Variants in ITGA8 observed in about 807,000 individuals in gnomAD.
The protein encoded by ITGA8 is integrin subunit alpha 8.
ITGA8 carries 91 observed loss-of-function variants against 142.3 expected under a neutral mutation model. The ratio of observed to expected loss-of-function variants is 0.64; its 90% CI spans 0.54 to 0.76. The LOEUF is 0.76. Ranked by LOEUF, ITGA8 falls within the 30% of genes least tolerant of loss-of-function variation. The probability of loss-of-function intolerance (pLI) is 0.00; values close to 1 mark genes in which losing one functional copy is unlikely to be tolerated. For synonymous variants in ITGA8, 505 were observed against 485.2 expected (o/e 1.04, Z -0.54); for missense variants, 1,406 against 1,327.7 (o/e 1.06, Z -0.92).
Position 15,556,167 on chromosome 10 carries a change from C to T in ITGA8, c.2766+1907G>A, listed in dbSNP as rs1310560693. Among the ~76,000 whole-genome samples, 4 of 151,630 alleles carry T rather than the reference C, an allele frequency of 2.6e-5. No individual in the cohort carries two copies. In the East Asian group the frequency reaches 5.8e-4, roughly 22 times the overall value. Reference sequence around the variant, plus strand: ...TCAGTCTCCTGAGTAGCTGGGATTACAGGCGCCTGCCACCACGCCCAGATA... The same window carrying T: ...TCAGTCTCCTGAGTAGCTGGGATTATAGGCGCCTGCCACCACGCCCAGATA... On this transcript the variant is annotated intron_variant, in intron 26 of 29. Transcript: ENST00000378076.
At chr10:15,611,019 T>C (rs1833284720) in intron 15 of ITGA8, among the ~76,000 whole-genome samples, 1 of 152,184 alleles carries the variant, frequency 6.6e-6, no homozygotes, top group Non-Finnish European at 1.5e-5. Context: ...TACACCGCTG[T>C]TTGAAAGACA....
intron 11 of ITGA8, among the ~76,000 whole-genome samples, chr10:15,655,017 C>T (rs1441772279): frequency 6.6e-6 from 1 of 152,168 alleles, no homozygotes; most frequent in Non-Finnish European, 1.5e-5. Context: ...GAATGTATCA[C>T]ATGCTAGGGG....
chr10:15,545,565 C>T (rs1044624389), intron 27 of ITGA8, among the ~76,000 whole-genome samples: 2 of 152,186 alleles, frequency 1.3e-5, no homozygotes, highest in African/African-American at 4.8e-5. Flanking sequence ...ACCTTTGAAA[C>T]ATTCTCTTCG....
At chr10:15,636,344 T>C (rs1474648137) in intron 13 of ITGA8, among the ~76,000 whole-genome samples, 2 of 152,164 alleles carry the variant, frequency 1.3e-5, no homozygotes, top group South Asian at 4.1e-4. Flanking sequence ...AACCCCAACA[T>C]ACAGACCTGA....
At chr10:15,637,516 T>TG (rs1833793016) in intron 13 of ITGA8, among the ~76,000 whole-genome samples, 18 of 143,010 alleles carry the variant, frequency 1.3e-4, no homozygotes, top group Admixed American at 9.7e-4. Flanking sequence ...TTTTTTTTTT[T>TG]TTTTTTGTTT....
intron 13 of ITGA8, among the ~76,000 whole-genome samples, chr10:15,636,942 C>T (rs545286897): frequency 3.9e-5 from 6 of 152,208 alleles, no homozygotes; most frequent in Non-Finnish European, 7.4e-5. Flanking sequence ...GTCAGCAGTT[C>T]GAGACCAGCC....
chr10:15,655,628 T>C (rs1390323807), intron 10 of ITGA8, among the ~76,000 whole-genome samples: 1 of 152,146 alleles, frequency 6.6e-6, no homozygotes, highest in Non-Finnish European at 1.5e-5. Context: ...GGACATCCTC[T>C]GGGGATGTTC....
chr10:15,593,733 CA>C (rs1482534409), intron 21 of ITGA8, among the ~76,000 whole-genome samples: 2 of 152,164 alleles, frequency 1.3e-5, no homozygotes, highest in Non-Finnish European at 2.9e-5. Flanking sequence ...TTCATTGCTC[CA>C]AACAGTCCTA....
At chr10:15,556,018 CTTTTTTT>C (rs869241754) in intron 26 of ITGA8, among the ~76,000 whole-genome samples, 21 of 53,636 alleles carry the variant, frequency 3.9e-4, no homozygotes, top group Non-Finnish European at 6.5e-4. Flanking sequence ...CTCTCTCTCT[CTTTTTTT>C]TTTTTTTTTT....
At chr10:15,541,877 C>T (rs917173183) in intron 27 of ITGA8, among the ~76,000 whole-genome samples, 15 of 151,638 alleles carry the variant, frequency 9.9e-5, no homozygotes, top group African/African-American at 3.6e-4. Flanking sequence ...CAAAAGTTTA[C>T]TTGCATGGTT....
rs553945087 is a variant in ITGA8, at chr10:15,535,170, C to A, written c.2881-4019G>T. On this transcript the variant is annotated intron_variant, in intron 27 of 29. Transcript: ENST00000378076. ...TCTCCCTGGGCCTTAGCTGCCTCCC[C>A]CAGGGGCAGGGCTCGGGACCTGCAG... 2.4e-4 allele frequency among the ~76,000 whole-genome samples: 36 copies of A among 152,292 alleles called. No individual in the cohort carries two copies. The South Asian group carries it at 2.5e-3, about 11-fold the overall frequency.
chr10:15,631,792 C>T lies in ITGA8; in HGVS notation c.1399+12238G>A, dbSNP rs368829601. ...AGCACATTGGACTTCTAGCCCCACC[C>T]CCCCCAAAAAAAGCCATGGCTAAGC... On this transcript the variant is annotated intron_variant, in intron 13 of 29. Transcript: ENST00000378076. Among the ~76,000 whole-genome samples the T allele has an allele frequency of 2.1e-4, 31 of 150,988 alleles. 1 individual carries two copies. Among genetic ancestry groups the T allele is most frequent in the African/African-American group, 7.1e-4 (29 of 40,930 alleles).
In ITGA8 at chr10:15,514,813, C is replaced by G. The variant is rs932962475; in HGVS notation, c.*2345G>C. ...TGCCTGTGGGCAGGTGGAAGGTGCC[C>G]GTCCCTCTAGGAAAGGGCCATCTTG... is the stretch of plus-strand genomic sequence containing the variant. On this transcript the variant is annotated 3_prime_UTR_variant, in exon 30 of 30. Transcript: ENST00000378076. 6.6e-6 allele frequency: 1 copy of G among 152,272 alleles called. No individual in the cohort carries two copies. The highest frequency in any genetic ancestry group is 6.6e-5 in the Admixed American group (1 of 15,252). 9.4% of individuals were successfully genotyped at this position (152,272 alleles called of 1,614,324 possible).
At chr10:15,640,235 G>A (rs879357465) in intron 13 of ITGA8, among the ~76,000 whole-genome samples, 1 of 152,188 alleles carries the variant, frequency 6.6e-6, no homozygotes, top group Non-Finnish European at 1.5e-5. Context: ...TGTTCCACGG[G>A]ACCGACCTGG....
At chr10:15,665,998 C>T (rs574831146) in intron 8 of ITGA8, among the ~76,000 whole-genome samples, 7 of 152,146 alleles carry the variant, frequency 4.6e-5, no homozygotes, top group South Asian at 2.1e-4. Flanking sequence ...TTGGCGAAGC[C>T]GGCTCTTTTT....
intron 8 of ITGA8, among the ~76,000 whole-genome samples, chr10:15,671,083 C>G (rs1001864824): frequency 3.3e-5 from 5 of 152,150 alleles, no homozygotes; most frequent in African/African-American, 1.2e-4. Flanking sequence ...TCCATCAGCC[C>G]TGGTAGACAA....
chr10:15,618,120 G>A (rs541002759), intron 13 of ITGA8, among the ~76,000 whole-genome samples: 12 of 152,244 alleles, frequency 7.9e-5, no homozygotes, highest in African/African-American at 2.4e-4. Context: ...AATTACTCAC[G>A]GAGTCCAGTG....
chr10:15,711,846 G>A (rs1835369694), intron 2 of ITGA8, among the ~76,000 whole-genome samples: 1 of 152,200 alleles, frequency 6.6e-6, no homozygotes. Context: ...TCAATTTGCA[G>A]ACCTTCAGGC....
At chr10:15,622,197 C>G (rs1406659610) in intron 13 of ITGA8, among the ~76,000 whole-genome samples, 2 of 151,808 alleles carry the variant, frequency 1.3e-5, no homozygotes, top group African/African-American at 2.4e-5. Flanking sequence ...AAGAATCACC[C>G]AGAATCATTT....
Sources: allele counts gnomAD v4.1 joint callset (sites outside exome capture counted in the v4.1 genomes callset), GRCh38; gene constraint gnomAD v4.1.1; transcripts MANE v1.5; gene names NCBI Gene and HGNC (gene_info 2026-07-23, HGNC 2026-07-21).